The following MTUS2 variants were observed in gnomAD, a reference collection of about 807,000 sequenced individuals.
The protein encoded by MTUS2 is microtubule associated scaffold protein 2.
In MTUS2, 40 loss-of-function variants were observed where a neutral mutation model predicts 114.1. That is an observed-to-expected ratio of 0.35 (90% CI 0.27 to 0.46). The LOEUF (loss-of-function observed/expected upper bound fraction) is 0.46. MTUS2 is among the 20% of genes least tolerant of loss of function. MTUS2 has a pLI of 1.00. For missense variants in MTUS2, 1,679 were observed against 1,705.4 expected (o/e 0.98, Z 0.27); for synonymous variants, 688 against 672.0 (o/e 1.02, Z -0.37).
intron 8 of MTUS2, among the ~76,000 whole-genome samples, chr13:29,378,520 A>G (rs1265710328): frequency 1.3e-5 from 2 of 152,150 alleles, no homozygotes; most frequent in African/African-American, 4.8e-5. Flanking sequence ...TGACTTGGCC[A>G]GCAGGCACAC....
chr13:29,223,865 A>G (rs1896002707), intron 5 of MTUS2, among the ~76,000 whole-genome samples: 1 of 152,210 alleles, frequency 6.6e-6, no homozygotes, highest in Non-Finnish European at 1.5e-5. Context: ...TCAAGCTTCC[A>G]GGAGCCACCA....
At chr13:29,226,833 A>G (rs993643294) in intron 5 of MTUS2, among the ~76,000 whole-genome samples, 1 of 152,240 alleles carries the variant, frequency 6.6e-6, no homozygotes, top group Admixed American at 6.5e-5. Flanking sequence ...CTTTACTTAA[A>G]AGCCAAAATT....
chr13:28,849,821 C>G (rs1172247990), intron 2 of MTUS2, among the ~76,000 whole-genome samples: 1 of 152,152 alleles, frequency 6.6e-6, no homozygotes, highest in Non-Finnish European at 1.5e-5. Context: ...CCTCTCCTCT[C>G]TACCTCTGAG....
chr13:29,097,450 T>C (rs1196821537), intron 4 of MTUS2, among the ~76,000 whole-genome samples: 1 of 152,206 alleles, frequency 6.6e-6, no homozygotes, highest in Admixed American at 6.5e-5. Context: ...CTATCATTTG[T>C]TTATTGAAGG....
Position 29,025,148 on chromosome 13 carries a change from G to A in MTUS2, c.450G>A (p.Arg150=). 6.2e-7 allele frequency: 1 copy of A among 1,613,932 alleles called. No homozygotes were observed. Among genetic ancestry groups the A allele is most frequent in the Non-Finnish European group, 8.5e-7 (1 of 1,179,886 alleles). ...CCAGTCTAGACGTTTTGGCTAAAAGGGATGCTGAAATTCCCCGGCATGTTC... is the reference window on the plus strand; with the variant it reads ...CCAGTCTAGACGTTTTGGCTAAAAGAGATGCTGAAATTCCCCGGCATGTTC... ...SEASLDVLAK[R]DAEIPRHVPK... Residue 150 remains arginine, a synonymous_variant, in exon 3 of 16, where the codon AGG becomes AGA. Transcript: ENST00000612955.
At chr13:28,891,917 C>A (rs1413746213) in intron 2 of MTUS2, among the ~76,000 whole-genome samples, 4 of 148,804 alleles carry the variant, frequency 2.7e-5, no homozygotes, top group Non-Finnish European at 6.0e-5. Flanking sequence ...TATCTCTAGG[C>A]TTTTCCCTTC....
intron 8 of MTUS2, among the ~76,000 whole-genome samples, chr13:29,401,274 G>A (rs923164935): frequency 1.8e-4 from 28 of 152,144 alleles, no homozygotes; most frequent in African/African-American, 6.5e-4. Context: ...AAAGTGCTGG[G>A]ATTACAGGTG....
intron 5 of MTUS2, among the ~76,000 whole-genome samples, chr13:29,140,990 C>T (rs1159936644): frequency 6.6e-6 from 1 of 152,208 alleles, no homozygotes; most frequent in Non-Finnish European, 1.5e-5. Flanking sequence ...TAGGGGTCCC[C>T]TGACCCCTTC....
chr13:29,115,492 C>G (rs1187578438), intron 5 of MTUS2, among the ~76,000 whole-genome samples: 1 of 152,156 alleles, frequency 6.6e-6, no homozygotes, highest in Non-Finnish European at 1.5e-5. Flanking sequence ...TAACCAATAA[C>G]CAGACTCACT....
Position 29,414,711 on chromosome 13 carries a change from T to A in MTUS2, c.3118-25272T>A, listed in dbSNP as rs192193047. 1.1e-3 allele frequency among the ~76,000 whole-genome samples: 161 copies of A among 151,996 alleles called. 1 individual carries two copies. Among genetic ancestry groups the A allele is most frequent in the African/African-American group, 3.8e-3 (157 of 41,568 alleles). ...ATTATTTTGTTATTTGTGTTCTTTT[T>A]CCCTGTTCAGGTTGGTTAGCAGTTG... On this transcript the variant is annotated intron_variant, in intron 8 of 15. Transcript: ENST00000612955.
chr13:28,864,244 C>T (rs189093837), intron 2 of MTUS2, among the ~76,000 whole-genome samples: 1 of 152,134 alleles, frequency 6.6e-6, no homozygotes, highest in Non-Finnish European at 1.5e-5. Context: ...ATTGTGAGTT[C>T]ATACTATAAA....
chr13:29,495,914 A>ATG (rs59958046), intron 12 of MTUS2, among the ~76,000 whole-genome samples: 1,593 of 148,394 alleles, frequency 0.011, 22 homozygotes, highest in African/African-American at 0.025. Context: ...CTCTCTTTAT[A>ATG]TGTGTGTGTG....
intron 5 of MTUS2, among the ~76,000 whole-genome samples, chr13:29,172,444 T>C (rs1006867152): frequency 4.6e-5 from 7 of 152,164 alleles, no homozygotes; most frequent in African/African-American, 1.7e-4. Context: ...TCCCAGCAAA[T>C]TGAAGCATTT....
At chr13:28,904,736 G>C (rs1879875197) in intron 2 of MTUS2, among the ~76,000 whole-genome samples, 1 of 152,146 alleles carries the variant, frequency 6.6e-6, no homozygotes, top group African/African-American at 2.4e-5. Context: ...TGGCAATGCG[G>C]GCTGTTTTTT....
intron 4 of MTUS2, among the ~76,000 whole-genome samples, chr13:29,090,937 G>A (rs1192299101): frequency 1.3e-5 from 2 of 152,100 alleles, no homozygotes; most frequent in South Asian, 2.1e-4. Flanking sequence ...TGTGGGTTTC[G>A]TGGAGTATCC....
chr13:28,891,108 G>A (rs1393356946), intron 2 of MTUS2, among the ~76,000 whole-genome samples: 1 of 152,200 alleles, frequency 6.6e-6, no homozygotes, highest in Non-Finnish European at 1.5e-5. Context: ...TGCAGGGAAC[G>A]AAGCTATGGG....
At chr13:29,240,161 A>G (rs1332566737) in intron 5 of MTUS2, 1 of 152,176 alleles carries the variant, frequency 6.6e-6, no homozygotes, top group East Asian at 1.9e-4. Context: ...TCAACCACAC[A>G]ATAAATAAAC....
At chr13:29,394,570 G>T (rs1486999930) in intron 8 of MTUS2, among the ~76,000 whole-genome samples, 1 of 152,190 alleles carries the variant, frequency 6.6e-6, no homozygotes, top group Non-Finnish European at 1.5e-5. Flanking sequence ...GATCAAAAAG[G>T]TTCCAGACTC....
chr13:29,255,082 C>T (rs1255756334), intron 5 of MTUS2, among the ~76,000 whole-genome samples: 5 of 152,118 alleles, frequency 3.3e-5, no homozygotes, highest in Admixed American at 6.5e-5. Context: ...TTTTTCCCAG[C>T]GGTGCACACA....
Sources: allele counts gnomAD v4.1 joint callset (sites outside exome capture counted in the v4.1 genomes callset), GRCh38; gene constraint gnomAD v4.1.1; transcripts MANE v1.5; gene names NCBI Gene and HGNC (gene_info 2026-07-23, HGNC 2026-07-21).